The following MYO3A variants were observed in gnomAD, a reference collection of about 807,000 sequenced individuals.
The protein encoded by MYO3A is myosin-IIIa.
A neutral mutation model predicts 192.7 loss-of-function variants in MYO3A; 180 were observed. The observed-to-expected ratio is 0.93, with a 90% CI of 0.83 to 1.06. The LOEUF (loss-of-function observed/expected upper bound fraction) is 1.06. Ranked by LOEUF, MYO3A falls within the 50% of genes least tolerant of loss-of-function variation. The probability of loss-of-function intolerance (pLI) is 0.00; values close to 1 mark genes in which losing one functional copy is unlikely to be tolerated. For synonymous variants in MYO3A, 628 were observed against 645.3 expected, an observed-to-expected ratio of 0.97 and a Z score of 0.41; for missense variants, 1,896 against 1,905.0, an observed-to-expected ratio of 1.00 and a Z score of 0.09.
chr10:25,970,833 G>A (rs1838594303), intron 4 of MYO3A, among the ~76,000 whole-genome samples: 1 of 151,642 alleles, frequency 6.6e-6, no homozygotes. Context: ...TAGTGTCTTG[G>A]GTCTTTCTGG....
rs578081743 is a variant in MYO3A, at chr10:25,936,381, A to G, written c.-18+551A>G. On this transcript the variant is annotated intron_variant, in intron 2 of 34. Coordinates refer to ENST00000642920, the MANE Select transcript of MYO3A (RefSeq NM_017433.5). ...TAGAATGTATAGTTCTTTTATATAA[A>G]TCATATAAAGTTTGTAAAATGTTTA... Among the ~76,000 whole-genome samples the G allele has an allele frequency of 3.3e-5, 5 of 152,276 alleles. No individual in the cohort carries two copies. The South Asian group carries it at 1.0e-3, about 32-fold the overall frequency.
intron 4 of MYO3A, among the ~76,000 whole-genome samples, chr10:25,985,357 A>G (rs902030395): frequency 1.3e-5 from 2 of 152,134 alleles, no homozygotes; most frequent in African/African-American, 4.8e-5. Context: ...GAAAAGAAAT[A>G]ATGAAGATCA....
At chr10:25,990,655 TC>T (rs533362842) in intron 4 of MYO3A, among the ~76,000 whole-genome samples, 2 of 72,946 alleles carry the variant, frequency 2.7e-5, no homozygotes, top group South Asian at 5.5e-4. Context: ...AGGCTACCCC[TC>T]CCCCCTCCCC....
chr10:25,955,133 A>C, intron 4 of MYO3A, 125 bp downstream of exon 4: 2 of 1,380,530 alleles, frequency 1.4e-6, no homozygotes, highest in Non-Finnish European at 2.0e-6. Flanking sequence ...ACCAGCCATG[A>C]ATGTTGTGCC....
intron 10 of MYO3A, among the ~76,000 whole-genome samples, chr10:26,040,699 G>C (rs1469729202): frequency 6.6e-6 from 1 of 152,060 alleles, no homozygotes; most frequent in Non-Finnish European, 1.5e-5. Context: ...TGTTTGTGTA[G>C]TTTCCAAAAT....
At chr10:25,973,131 A>G (rs376886050) in intron 4 of MYO3A, among the ~76,000 whole-genome samples, 2 of 152,128 alleles carry the variant, frequency 1.3e-5, no homozygotes, top group Non-Finnish European at 2.9e-5. Context: ...ATAGTTTTCC[A>G]TTTGTTTAGG....
At chr10:26,197,466 A>C (rs1237939512) in intron 32 of MYO3A, among the ~76,000 whole-genome samples, 1 of 152,218 alleles carries the variant, frequency 6.6e-6, no homozygotes, top group Non-Finnish European at 1.5e-5. Flanking sequence ...ACTTACCAGA[A>C]GATCCCTGAC....
chr10:26,083,761 C>A (rs1836124407), intron 14 of MYO3A, among the ~76,000 whole-genome samples: 1 of 152,102 alleles, frequency 6.6e-6, no homozygotes, highest in South Asian at 2.1e-4. Context: ...GTAGATTATT[C>A]TGTGGTTGAA....
intron 25 of MYO3A, among the ~76,000 whole-genome samples, chr10:26,156,494 A>G (rs1841124833): frequency 6.6e-6 from 1 of 152,238 alleles, no homozygotes; most frequent in African/African-American, 2.4e-5. Flanking sequence ...GTATTGCTAT[A>G]GAACACAGTT....
At chr10:26,134,153 A>C (rs1839714886) in intron 20 of MYO3A, among the ~76,000 whole-genome samples, 1 of 152,204 alleles carries the variant, frequency 6.6e-6, no homozygotes. Flanking sequence ...TGAATAAGGA[A>C]GCTGCTGTAG....
intron 10 of MYO3A, among the ~76,000 whole-genome samples, chr10:26,061,496 C>CA (rs1834476226): frequency 6.6e-6 from 1 of 152,000 alleles, no homozygotes. Context: ...ATGGAATGAA[C>CA]AAAGTACAGA....
intron 31 of MYO3A, among the ~76,000 whole-genome samples, chr10:26,187,310 G>A (rs942503691): frequency 1.3e-5 from 2 of 152,088 alleles, no homozygotes; most frequent in Non-Finnish European, 2.9e-5. Flanking sequence ...TAGTTTTCCA[G>A]GGCTGCCATA....
chr10:25,955,785 ACAG>A (rs767931286), intron 4 of MYO3A, among the ~76,000 whole-genome samples: 49 of 152,206 alleles, frequency 3.2e-4, no homozygotes, highest in Non-Finnish European at 6.6e-4. Flanking sequence ...GACAGCTATA[ACAG>A]CATATATTTA....
At chr10:26,148,363 T>A (rs965461798) in intron 23 of MYO3A, among the ~76,000 whole-genome samples, 5 of 152,236 alleles carry the variant, frequency 3.3e-5, no homozygotes, top group Non-Finnish European at 7.3e-5. Context: ...TTGATATTTA[T>A]CTATCTTTAG....
In MYO3A at chr10:26,066,980, A is replaced by C; in HGVS notation, c.959A>C (p.Glu320Ala). Reference protein sequence around the residue: ...CMGGTEKARRERIHTKKGNFN... With the variant: ...CMGGTEKARRARIHTKKGNFN... The stretch of plus-strand genomic sequence containing the variant: ...GAAAGCGTTTTTCTCCACAGACGTG[A>C]ACGTATTCACACGAAGAAAGGGAAC... The change falls in exon 11 of 35, where the codon GAA (glutamate) becomes GCA (alanine). Residue 320 changes from glutamate to alanine, a missense_variant. Transcript: ENST00000642920. The C allele has an allele frequency of 1.2e-6, 2 of 1,608,772 alleles. No homozygotes were observed. Among genetic ancestry groups the C allele is most frequent in the Non-Finnish European group, 1.7e-6 (2 of 1,175,124 alleles).
At chr10:26,152,826 G>A (rs564859487) in intron 23 of MYO3A, among the ~76,000 whole-genome samples, 21 of 152,244 alleles carry the variant, frequency 1.4e-4, no homozygotes, top group African/African-American at 3.4e-4. Context: ...GCACACACCC[G>A]TCTCAGCCCC....
At chr10:26,033,698 A>T (rs1327632677) in intron 10 of MYO3A, among the ~76,000 whole-genome samples, 1 of 152,198 alleles carries the variant, frequency 6.6e-6, no homozygotes. Context: ...AAACAGGATA[A>T]GACAAGAACA....
intron 11 of MYO3A, among the ~76,000 whole-genome samples, chr10:26,068,245 C>A (rs544302042): frequency 1.2e-3 from 188 of 152,102 alleles, no homozygotes; most frequent in African/African-American, 4.3e-3. Context: ...ATGGTGGTTT[C>A]CGACATTATC....
Position 25,943,550 on chromosome 10 carries a change from T to C in MYO3A, c.-18+7720T>C, listed in dbSNP as rs566972906. ...ATTTATTTGTGTGTTCTTTAATTTC[T>C]TTCAGCAATGTTTGTACTTTTCAAT... On this transcript the variant is annotated intron_variant, in intron 2 of 34. Coordinates refer to ENST00000642920, the MANE Select transcript of MYO3A (RefSeq NM_017433.5). 3.3e-5 allele frequency among the ~76,000 whole-genome samples: 5 copies of C among 152,280 alleles called. No homozygotes were observed. In the East Asian group the frequency reaches 9.6e-4, roughly 29 times the overall value.
Sources: gnomAD v4.1 joint callset for allele counts (sites outside exome capture counted in the v4.1 genomes callset) on GRCh38, gnomAD v4.1.1 for gene constraint, MANE v1.5 for transcripts, NCBI Gene and HGNC (gene_info 2026-07-23, HGNC 2026-07-21) for gene names.